RC3H1: variants seen among roughly 807,000 people sequenced by gnomAD.
RC3H1 encodes the protein ring finger and CCCH-type domains 1, also known as roquin-1.
In RC3H1, 50 loss-of-function variants were observed where a neutral mutation model predicts 138.2. The observed-to-expected ratio is 0.36, with a 90% CI of 0.29 to 0.46. The LOEUF (loss-of-function observed/expected upper bound fraction) is 0.46, where lower values mean the gene tolerates loss of function less well. Ranked by LOEUF, RC3H1 falls within the 20% of genes least tolerant of loss-of-function variation. The probability of loss-of-function intolerance (pLI) is 1.00; values close to 1 mark genes in which losing one functional copy is unlikely to be tolerated. For synonymous variants in RC3H1, 462 were observed against 489.1 expected, an observed-to-expected ratio of 0.94 and a Z score of 0.73; for missense variants, 1,031 against 1,388.1, an observed-to-expected ratio of 0.74 and a Z score of 4.09.
intron 7 of RC3H1, among the ~76,000 whole-genome samples, chr1:173,975,562 T>C (rs926715471): frequency 1.3e-5 from 2 of 151,978 alleles, no homozygotes; most frequent in African/African-American, 4.8e-5. Flanking sequence ...ATTTCAGAAA[T>C]GCTAAGATCT....
At chr1:173,945,037 T>C (rs767844490) in intron 17 of RC3H1, among the ~76,000 whole-genome samples, 7 of 152,142 alleles carry the variant, frequency 4.6e-5, no homozygotes, top group Non-Finnish European at 1.0e-4. Flanking sequence ...CAGTTTTCCA[T>C]ATTCAAAGAA....
chr1:173,941,572 C>A, intron 18 of RC3H1, 192 bp from the exon 19 acceptor site: 4 of 471,584 alleles, frequency 8.5e-6, no homozygotes. Context: ...TGCTCACTAA[C>A]CAAGCTGGAC....
chr1:174,010,554 C>T (rs948976806), intron 1 of RC3H1, among the ~76,000 whole-genome samples: 1 of 152,132 alleles, frequency 6.6e-6, no homozygotes, highest in African/African-American at 2.4e-5. Flanking sequence ...AGCTGGACTA[C>T]AGGCATGCGC....
intron 1 of RC3H1, among the ~76,000 whole-genome samples, chr1:174,001,751 T>C (rs556427261): frequency 2.0e-5 from 3 of 152,148 alleles, no homozygotes; most frequent in Non-Finnish European, 4.4e-5. Context: ...TCTTTAAAGG[T>C]AGTAGAAAGG....
chr1:173,960,978 GA>G, intron 13 of RC3H1, 98 bp downstream of exon 13: 8 of 1,214,684 alleles, frequency 6.6e-6, no homozygotes, highest in South Asian at 1.5e-5. Context: ...AGGAAAACAG[GA>G]AAAAAAATCT....
intron 13 of RC3H1, among the ~76,000 whole-genome samples, chr1:173,952,678 T>A (rs542058576): frequency 1.2e-4 from 18 of 152,278 alleles, no homozygotes; most frequent in Admixed American, 1.2e-3. Flanking sequence ...TAAATTCTGT[T>A]CCTTAGGTTG....
rs1271732627 is a variant in RC3H1, at chr1:173,947,393, G to A, written c.2713C>T (p.Pro905Ser). The A allele has an allele frequency of 5.6e-6, 9 of 1,613,650 alleles. No homozygotes were observed. The East Asian group carries it at 1.6e-4, about 28-fold the overall frequency. ...CCTGAAATGTTAATAGATTTTGTAG[G>A]AGCTCCCTGAGGTGCCATAGCCTGC... ...PMQAMAPQGA[P>S]TKSINISDYS... is the part of the protein sequence containing the mutation. The change falls in exon 15 of 20, where the codon CCT becomes TCT. Residue 905 changes from proline to serine, a missense_variant. Around this residue, in one of 7 missense-constraint regions of RC3H1, gnomAD observed 716 missense variants for 837.9 expected, o/e 0.85. Coordinates refer to ENST00000367696, the MANE Select transcript of RC3H1 (RefSeq NM_172071.4).
chr1:173,939,844 A>T (rs888386011), intron 19 of RC3H1, among the ~76,000 whole-genome samples: 4 of 152,140 alleles, frequency 2.6e-5, no homozygotes, highest in African/African-American at 9.7e-5. Context: ...CAAAAAAAAA[A>T]TAAAAAAGAA....
chr1:173,977,408 C>T (rs1660634432), intron 7 of RC3H1, among the ~76,000 whole-genome samples: 1 of 151,976 alleles, frequency 6.6e-6, no homozygotes, highest in Non-Finnish European at 1.5e-5. Flanking sequence ...GTATGTAGAA[C>T]AAGTGAAAGG....
chr1:173,946,262 G>A lies in RC3H1; in HGVS notation c.2961+214C>T, dbSNP rs140181384. On this transcript the variant is annotated intron_variant, in intron 17 of 19. Transcript: ENST00000367696. Reference sequence around the variant, plus strand: ...ATAAGCTCCTGTTGGGAAATTTTACGTAATCTGTTTTCTATTTTTAGGTAG... The same window carrying A: ...ATAAGCTCCTGTTGGGAAATTTTACATAATCTGTTTTCTATTTTTAGGTAG... Among the ~76,000 whole-genome samples the A allele has an allele frequency of 8.6e-4, 131 of 152,212 alleles. 1 individual carries two copies. Among genetic ancestry groups the A allele is most frequent in the African/African-American group, 2.2e-3 (92 of 41,516 alleles).
At chr1:173,950,510 G>A (rs749800357) in intron 14 of RC3H1, among the ~76,000 whole-genome samples, 4 of 151,476 alleles carry the variant, frequency 2.6e-5, no homozygotes, top group African/African-American at 4.9e-5. Flanking sequence ...GATCACTTGA[G>A]TCCAGGAGTG....
chr1:173,970,667 A>C (rs1255196364), intron 8 of RC3H1, 50 bp from the exon 9 acceptor site: 1 of 1,203,892 alleles, frequency 8.3e-7, no homozygotes, highest in East Asian at 2.4e-5. Context: ...CCACAAAAAA[A>C]CATAAATTTT....
chr1:173,991,034 AG>A (rs1661265201), intron 2 of RC3H1, among the ~76,000 whole-genome samples: 1 of 152,186 alleles, frequency 6.6e-6, no homozygotes, highest in African/African-American at 2.4e-5. Context: ...GCTTGAGACC[AG>A]CATAGCCAAC....
chr1:173,969,511 T>G (rs1660260157), intron 9 of RC3H1: 1 of 151,682 alleles, frequency 6.6e-6, no homozygotes, highest in South Asian at 2.1e-4. Context: ...TTGCAGTAGA[T>G]TTGCAGTTTT....
At chr1:173,983,389 A>G (rs768628903) in intron 4 of RC3H1, 29 bp downstream of exon 4, 1 of 1,611,152 alleles carries the variant, frequency 6.2e-7, no homozygotes, top group South Asian at 1.1e-5. Flanking sequence ...AATTACCAGC[A>G]GAATAAATAC....
chr1:174,013,842 G>T (rs1661812492), intron 1 of RC3H1, among the ~76,000 whole-genome samples: 2 of 151,964 alleles, frequency 1.3e-5, no homozygotes, highest in East Asian at 2.0e-4. Flanking sequence ...CTTTTGGGAG[G>T]CCAAGGCAGG....
intron 6 of RC3H1, 80 bp downstream of exon 6, chr1:173,980,729 T>G: frequency 9.8e-7 from 1 of 1,019,792 alleles, no homozygotes; most frequent in Non-Finnish European, 1.5e-6. Context: ...TATACAGTAT[T>G]CACTTTAATA....
Position 173,961,929 on chromosome 1 carries a change from G to A in RC3H1, c.1998C>T (p.Tyr666=). The part of the protein sequence containing the change: ...GTQPQQYPPI[Y]PSHYDGRRVY... The stretch of plus-strand genomic sequence containing the variant: ...CTCGACGGCCATCATAGTGAGATGG[G>A]TATATAGGTGGGTACTGCTGTGGCT... Residue 666 remains tyrosine (Y), a synonymous_variant, in exon 12 of 20, where the codon TAC becomes TAT. Transcript: ENST00000367696. The A allele has an allele frequency of 1.2e-6, 2 of 1,614,032 alleles. No homozygotes were observed. The highest frequency in any genetic ancestry group is 1.7e-6 in the Non-Finnish European group (2 of 1,179,930).
intron 1 of RC3H1, among the ~76,000 whole-genome samples, chr1:174,018,750 C>T (rs1050482442): frequency 5.9e-5 from 9 of 152,284 alleles, no homozygotes; most frequent in South Asian, 2.1e-4. Flanking sequence ...TGAGCACAGA[C>T]GGGGCCAAAG....
Sources: gnomAD v4.1 joint callset for allele counts (sites outside exome capture counted in the v4.1 genomes callset) on GRCh38, gnomAD v4.1.1 for gene constraint, gnomAD v4.1.1 regional missense constraint, MANE v1.5 for transcripts, NCBI Gene and HGNC (gene_info 2026-07-23, HGNC 2026-07-21) for gene names.